The following RBFOX1 variants were observed in gnomAD, a reference collection of about 807,000 sequenced individuals.
RBFOX1 encodes RNA binding protein fox-1 homolog 1.
RBFOX1 carries 8 observed loss-of-function variants against 57.7 expected under a neutral mutation model. The ratio of observed to expected loss-of-function variants is 0.14; its 90% CI spans 0.08 to 0.25. RBFOX1 has a LOEUF of 0.25. Among genes scored for constraint, RBFOX1 ranks in the 10% least tolerant of loss-of-function variants. The probability of loss-of-function intolerance (pLI) is 1.00; values close to 1 mark genes in which losing one functional copy is unlikely to be tolerated. For missense variants in RBFOX1, 611 were observed against 548.5 expected (o/e 1.11, Z -1.14); for synonymous variants, 326 against 222.4 (o/e 1.47, Z -4.15).
intron 2 of RBFOX1, among the ~76,000 whole-genome samples, chr16:6,645,969 T>C (rs1170586510): frequency 6.6e-6 from 1 of 152,162 alleles, no homozygotes; most frequent in African/African-American, 2.4e-5. Context: ...CTGTGTGGAA[T>C]CCCATCTGTC....
At chr16:5,581,982 C>T (rs2046682608) in intron 2 of RBFOX1, among the ~76,000 whole-genome samples, 1 of 152,202 alleles carries the variant, frequency 6.6e-6, no homozygotes, top group Non-Finnish European at 1.5e-5. Context: ...ATGCACAATG[C>T]AGGATTACAT....
intron 7 of RBFOX1, among the ~76,000 whole-genome samples, chr16:7,592,822 A>T (rs180945855): frequency 1.3e-5 from 2 of 152,248 alleles, no homozygotes; most frequent in East Asian, 3.9e-4. Context: ...ATTACAAAGG[A>T]TGAAAACCTC....
chr16:6,077,170 A>G (rs2095915494), intron 1 of RBFOX1, among the ~76,000 whole-genome samples: 1 of 152,198 alleles, frequency 6.6e-6, no homozygotes, highest in Non-Finnish European at 1.5e-5. Context: ...TAGACACCAA[A>G]GTTCAGCCTC....
At chr16:7,314,992 C>T (rs562146854) in intron 4 of RBFOX1, among the ~76,000 whole-genome samples, 1 of 152,214 alleles carries the variant, frequency 6.6e-6, no homozygotes, top group African/African-American at 2.4e-5. Context: ...TTAACCTCCG[C>T]TTTTATTTTT....
At chr16:7,053,328 G>C (rs750696106) in intron 4 of RBFOX1, among the ~76,000 whole-genome samples, 1 of 152,154 alleles carries the variant, frequency 6.6e-6, no homozygotes, top group Non-Finnish European at 1.5e-5. Flanking sequence ...GCCGACATTC[G>C]TTGTGACCCT....
rs568369073 is a variant in RBFOX1 at position 7,033,160 on chromosome 16, G to A, written c.-15-18897G>A. Among the ~76,000 whole-genome samples the A allele has an allele frequency of 2.2e-3, 333 of 152,268 alleles. 3 individuals carry two copies. Among genetic ancestry groups the A allele is most frequent in the Non-Finnish European group, 1.2e-3 (84 of 68,024 alleles). The stretch of plus-strand genomic sequence containing the variant: ...AGTGCAGTAAGCAGGTTCTGATGAC[G>A]AGGCGGTAAAGGTGTTGATTTTAGG... On this transcript the variant is annotated intron_variant, in intron 3 of 15. Transcript: ENST00000550418.
At chr16:7,694,743 G>GTTGT (rs1194806442) in intron 14 of RBFOX1, among the ~76,000 whole-genome samples, 5 of 152,216 alleles carry the variant, frequency 3.3e-5, no homozygotes, top group East Asian at 3.9e-4. Flanking sequence ...CAATACAAAA[G>GTTGT]TTGTTTAACA....
chr16:5,668,243 T>G (rs1437264302), intron 3 of RBFOX1, among the ~76,000 whole-genome samples: 1 of 152,080 alleles, frequency 6.6e-6, no homozygotes, highest in Admixed American at 6.6e-5. Context: ...ATCATACCAC[T>G]GCACTCCAGC....
At chr16:5,256,635 T>TA (rs938188997) in intron 1 of RBFOX1, among the ~76,000 whole-genome samples, 27 of 151,918 alleles carry the variant, frequency 1.8e-4, no homozygotes, top group African/African-American at 4.8e-4. Context: ...AGCTTTCTAT[T>TA]AAAAAAAATA....
rs188799538 is a variant in RBFOX1, at chr16:5,977,013, G to C, written c.351+109678G>C. Among the ~76,000 whole-genome samples, 536 of 152,268 alleles carry C rather than the reference G, an allele frequency of 3.5e-3. 8 individuals are homozygous for C. The highest frequency in any genetic ancestry group is 0.03 in the Admixed American group (466 of 15,290). ...GATACACCTCTGCCAGCATCACCTG[G>C]GGAGGGGATGGGTAGGAACACAGAT... On this transcript the variant is annotated intron_variant, in intron 4 of 19. Transcript: ENST00000641259.
At chr16:7,193,071 C>G (rs1358745951) in intron 4 of RBFOX1, among the ~76,000 whole-genome samples, 1 of 152,160 alleles carries the variant, frequency 6.6e-6, no homozygotes, top group East Asian at 1.9e-4. Context: ...GGTTACACTG[C>G]AAAGGAAAAT....
chr16:6,535,279 A>T (rs752137863), intron 2 of RBFOX1, among the ~76,000 whole-genome samples: 6 of 152,182 alleles, frequency 3.9e-5, no homozygotes, highest in Non-Finnish European at 8.8e-5. Context: ...GTTACATCTG[A>T]TGGAGAAATT....
At chr16:6,838,498 A>C (rs963496093) in intron 3 of RBFOX1, among the ~76,000 whole-genome samples, 3 of 152,144 alleles carry the variant, frequency 2.0e-5, no homozygotes, top group Non-Finnish European at 4.4e-5. Flanking sequence ...ATTTGCATGC[A>C]ATTAAAAGTG....
chr16:5,582,703 A>C (rs972145670), intron 2 of RBFOX1, among the ~76,000 whole-genome samples: 1 of 152,068 alleles, frequency 6.6e-6, no homozygotes, highest in Non-Finnish European at 1.5e-5. Context: ...GGCATGAGCC[A>C]TCACACCCAC....
chr16:6,682,240 C>A (rs933857284), intron 3 of RBFOX1, among the ~76,000 whole-genome samples: 1 of 152,162 alleles, frequency 6.6e-6, no homozygotes, highest in Admixed American at 6.5e-5. Context: ...TCAGCGCTTT[C>A]AGCTCCCACT....
At chr16:5,690,414 T>G (rs578106832) in intron 3 of RBFOX1, among the ~76,000 whole-genome samples, 3 of 152,282 alleles carry the variant, frequency 2.0e-5, no homozygotes, top group Admixed American at 6.5e-5. Flanking sequence ...TGAATCTGTT[T>G]ACAGCTCTAC....
chr16:6,077,021 G>T (rs1186377805), intron 1 of RBFOX1, among the ~76,000 whole-genome samples: 1 of 152,168 alleles, frequency 6.6e-6, no homozygotes, highest in Non-Finnish European at 1.5e-5. Flanking sequence ...CTGCTTGAGA[G>T]TGCAGATGAA....
At chr16:7,603,033 A>T (rs1399478870) in intron 9 of RBFOX1, among the ~76,000 whole-genome samples, 1 of 152,234 alleles carries the variant, frequency 6.6e-6, no homozygotes, top group Non-Finnish European at 1.5e-5. Context: ...ATAAATTAAA[A>T]TGGAAACACG....
intron 4 of RBFOX1, among the ~76,000 whole-genome samples, chr16:5,891,975 C>T (rs2058054427): frequency 6.6e-6 from 1 of 152,196 alleles, no homozygotes; most frequent in African/African-American, 2.4e-5. Flanking sequence ...CACTTACTGC[C>T]CTCTCTGTGC....
Sources: allele counts gnomAD v4.1 joint callset (sites outside exome capture counted in the v4.1 genomes callset), GRCh38; gene constraint gnomAD v4.1.1; transcripts MANE v1.5; gene names NCBI Gene and HGNC (gene_info 2026-07-23, HGNC 2026-07-21).